The following NRG3 variants were observed in gnomAD, a reference collection of about 807,000 sequenced individuals.
NRG3 encodes pro-neuregulin-3, membrane-bound isoform.
In NRG3, 31 loss-of-function variants were observed where a neutral mutation model predicts 66.9. The observed-to-expected ratio is 0.46, with a 90% confidence interval of 0.35 to 0.63. The LOEUF is 0.63. NRG3 is among the 20% of genes least tolerant of loss of function. The probability of loss-of-function intolerance (pLI) is 0.00; values close to 1 mark genes in which losing one functional copy is unlikely to be tolerated. For missense variants in NRG3, 910 were observed against 878.9 expected, an observed-to-expected ratio of 1.04 and a Z score of -0.45; for synonymous variants, 393 against 359.4, an observed-to-expected ratio of 1.09 and a Z score of -1.06.
intron 2 of NRG3, among the ~76,000 whole-genome samples, chr10:82,605,883 T>C (rs1377458730): frequency 6.6e-6 from 1 of 152,122 alleles, no homozygotes; most frequent in African/African-American, 2.4e-5. Flanking sequence ...CTAATATACA[T>C]GGGATTATAA....
intron 6 of NRG3, among the ~76,000 whole-genome samples, chr10:82,960,067 A>G (rs902067595): frequency 3.9e-5 from 6 of 152,326 alleles, no homozygotes; most frequent in Admixed American, 1.3e-4. Context: ...AAATGCTTCA[A>G]TCACTGGAAA....
chr10:82,425,180 G>A (rs1002567831), intron 2 of NRG3, among the ~76,000 whole-genome samples: 11 of 152,024 alleles, frequency 7.2e-5, no homozygotes, highest in African/African-American at 2.7e-4. Context: ...TGGCAAAAAG[G>A]CCAGCTGGGG....
intron 1 of NRG3, among the ~76,000 whole-genome samples, chr10:82,323,715 G>A (rs956696317): frequency 6.6e-6 from 1 of 151,912 alleles, no homozygotes; most frequent in Admixed American, 6.6e-5. Context: ...TAGAGTTGCC[G>A]AGTAAAGTCA....
At chr10:82,120,769 C>T (rs2068035767) in intron 1 of NRG3, among the ~76,000 whole-genome samples, 1 of 151,966 alleles carries the variant, frequency 6.6e-6, no homozygotes, top group Non-Finnish European at 1.5e-5. Flanking sequence ...TTTCTGTGGA[C>T]TAATATTGAA....
At chr10:82,760,095 A>G (rs893302215) in intron 3 of NRG3, among the ~76,000 whole-genome samples, 1 of 152,154 alleles carries the variant, frequency 6.6e-6, no homozygotes, top group Non-Finnish European at 1.5e-5. Flanking sequence ...AAAGCCAGCA[A>G]TAAGCATTTG....
At chr10:82,650,433 C>CAAA (rs200797413) in intron 2 of NRG3, among the ~76,000 whole-genome samples, 1 of 150,154 alleles carries the variant, frequency 6.7e-6, no homozygotes, top group Non-Finnish European at 1.5e-5. Context: ...GAAACAAAAA[C>CAAA]AAAAAAAAAC....
At chr10:81,995,275 A>G (rs1376422340) in intron 1 of NRG3, among the ~76,000 whole-genome samples, 1 of 152,246 alleles carries the variant, frequency 6.6e-6, no homozygotes, top group Non-Finnish European at 1.5e-5. Context: ...TATACAAGAG[A>G]TAAAGGAAGG....
intron 1 of NRG3, among the ~76,000 whole-genome samples, chr10:82,084,724 C>T (rs1478435456): frequency 2.6e-5 from 4 of 152,084 alleles, no homozygotes; most frequent in Non-Finnish European, 5.9e-5. Context: ...CCAGTGTGAG[C>T]CCACACGTTC....
At chr10:81,953,044 A>C (rs1429382174) in intron 1 of NRG3, among the ~76,000 whole-genome samples, 1 of 152,144 alleles carries the variant, frequency 6.6e-6, no homozygotes, top group East Asian at 1.9e-4. Context: ...CATCCATAGC[A>C]CTGACTCTGG....
intron 1 of NRG3, among the ~76,000 whole-genome samples, chr10:82,197,829 T>C (rs1414736987): frequency 6.6e-6 from 1 of 152,152 alleles, no homozygotes; most frequent in African/African-American, 2.4e-5. Flanking sequence ...TTAAGAAAAA[T>C]TTGTCTCTAT....
chr10:82,415,495 T>C (rs2088486672), intron 2 of NRG3, among the ~76,000 whole-genome samples: 1 of 152,190 alleles, frequency 6.6e-6, no homozygotes, highest in Non-Finnish European at 1.5e-5. Flanking sequence ...ATAAAATTAT[T>C]AGGCAATTTA....
chr10:82,744,510 C>G (rs2134839430), intron 3 of NRG3, among the ~76,000 whole-genome samples: 1 of 152,250 alleles, frequency 6.6e-6, no homozygotes, highest in Admixed American at 6.5e-5. Context: ...TCTATCACCT[C>G]CCAAAGGCAC....
intron 1 of NRG3, among the ~76,000 whole-genome samples, chr10:82,064,425 T>C (rs971190148): frequency 1.3e-5 from 2 of 152,044 alleles, no homozygotes; most frequent in Admixed American, 6.6e-5. Flanking sequence ...TAATCATTAT[T>C]GAATACACAT....
chr10:82,582,315 A>G (rs1164551803), intron 2 of NRG3, among the ~76,000 whole-genome samples: 1 of 152,084 alleles, frequency 6.6e-6, no homozygotes, highest in Admixed American at 6.6e-5. Flanking sequence ...TCTCTTATTA[A>G]GTAGCTTTGG....
chr10:82,587,899 T>C (rs763456194), intron 2 of NRG3, among the ~76,000 whole-genome samples: 1 of 152,248 alleles, frequency 6.6e-6, no homozygotes, highest in Non-Finnish European at 1.5e-5. Flanking sequence ...TTAAAAATTA[T>C]ATTTCCATTT....
At chr10:82,343,914 G>C (rs895415442) in intron 1 of NRG3, among the ~76,000 whole-genome samples, 1 of 152,018 alleles carries the variant, frequency 6.6e-6, no homozygotes, top group Non-Finnish European at 1.5e-5. Context: ...GATTTATTCT[G>C]ATTAGTCCTG....
intron 2 of NRG3, among the ~76,000 whole-genome samples, chr10:82,459,112 C>A (rs2091401628): frequency 6.6e-6 from 1 of 152,182 alleles, no homozygotes; most frequent in African/African-American, 2.4e-5. Flanking sequence ...ACCTTTAGGT[C>A]ACTGGGGCCA....
chr10:81,916,841 G>A (rs1303702637), intron 1 of NRG3, among the ~76,000 whole-genome samples: 3 of 152,034 alleles, frequency 2.0e-5, no homozygotes, highest in Non-Finnish European at 2.9e-5. Context: ...ACTCATGTTC[G>A]CCAATGTTTG....
chr10:82,070,083 G>T (rs1456023249), intron 1 of NRG3, among the ~76,000 whole-genome samples: 1 of 152,112 alleles, frequency 6.6e-6, no homozygotes, highest in Non-Finnish European at 1.5e-5. Flanking sequence ...GAAATATGTT[G>T]GTCAAATCAA....
Sources: gnomAD v4.1 joint callset for allele counts (sites outside exome capture counted in the v4.1 genomes callset) on GRCh38, gnomAD v4.1.1 for gene constraint, MANE v1.5 for transcripts, NCBI Gene and HGNC (gene_info 2026-07-23, HGNC 2026-07-21) for gene names.